The following PDE4DIP variants were observed in gnomAD, a reference collection of about 807,000 sequenced individuals.
PDE4DIP encodes myomegalin.
In PDE4DIP, 59 loss-of-function variants were observed where a neutral mutation model predicts 221.4. That is an observed-to-expected ratio of 0.27 (90% confidence interval 0.22 to 0.33). The LOEUF (loss-of-function observed/expected upper bound fraction) is 0.33. Among genes scored for constraint, PDE4DIP ranks in the 10% least tolerant of loss-of-function variants. The pLI, the probability that PDE4DIP is intolerant of heterozygous loss-of-function variation, is 1.00. For synonymous variants in PDE4DIP, 404 were observed against 815.9 expected, an observed-to-expected ratio of 0.50 and a Z score of 8.60; for missense variants, 1,036 against 2,154.2, an observed-to-expected ratio of 0.48 and a Z score of 10.28.
chr1:148,838,699 C>T (rs1553375518), intron 1 of PDE4DIP, among the ~76,000 whole-genome samples: 1 of 123,632 alleles, frequency 8.1e-6, no homozygotes, highest in Non-Finnish European at 1.8e-5. Flanking sequence ...AATAATGTGG[C>T]TAAAAGAAAC....
At chr1:149,017,862 C>T (rs1553613444) in exon 34 of PDE4DIP, 2 of 1,613,484 alleles carry the variant, frequency 1.2e-6, no homozygotes. Context: ...CGGCTGACCT[C>T]TACTGCTCGT....
chr1:148,944,064 T>C (rs1344454062), intron 5 of PDE4DIP, among the ~76,000 whole-genome samples: 1 of 152,218 alleles, frequency 6.6e-6, no homozygotes, highest in Non-Finnish European at 1.5e-5. Flanking sequence ...CCATAGCAGA[T>C]ACCAAGATGA....
intron 1 of PDE4DIP, among the ~76,000 whole-genome samples, chr1:148,902,708 G>T: frequency 1.4e-5 from 1 of 73,068 alleles, no homozygotes; most frequent in African/African-American, 1.0e-4. Flanking sequence ...TGGCTGAGTA[G>T]TATTCTATCA....
At chr1:148,934,318 T>G (rs11581717) in intron 4 of PDE4DIP, among the ~76,000 whole-genome samples, 2 of 150,836 alleles carry the variant, frequency 1.3e-5, no homozygotes, top group Non-Finnish European at 3.0e-5. Context: ...GAACCCCAAT[T>G]AAAAAAAACT....
Position 148,902,761 on chromosome 1 carries a change from A to G in PDE4DIP, c.141+12867A>G, listed in dbSNP as rs587598559. Reference sequence around the variant, plus strand: ...ATATATATCCATCATATATATATATATGTGTGTGTATATACACACCACAGT... The same window carrying G: ...ATATATATCCATCATATATATATATGTGTGTGTGTATATACACACCACAGT... On this transcript the variant is annotated intron_variant, in intron 1 of 43. Coordinates refer to ENST00000369354, the Ensembl canonical transcript of PDE4DIP. Among the ~76,000 whole-genome samples, 278 of 104,418 alleles carry G rather than the reference A, an allele frequency of 2.7e-3. 6 individuals carry two copies. The highest frequency in any genetic ancestry group is 6.7e-3 in the African/African-American group (144 of 21,430). The allele number at this position is 104,418 out of a possible 152,430, so 68.5% of individuals were successfully genotyped here.
At chr1:148,978,044 T>C in exon 18 of PDE4DIP, 1 of 1,613,242 alleles carries the variant, frequency 6.2e-7, no homozygotes, top group South Asian at 1.1e-5. Context: ...TTAAAGAAGA[T>C]CTCATAAAGG....
At chr1:148,967,480 A>G (rs601274) in intron 12 of PDE4DIP, among the ~76,000 whole-genome samples, 2 of 151,234 alleles carry the variant, frequency 1.3e-5, no homozygotes, top group African/African-American at 4.8e-5. Flanking sequence ...CCTTTATAGC[A>G]TAGTGCACTT....
intron 1 of PDE4DIP, among the ~76,000 whole-genome samples, chr1:148,915,301 C>A (rs1393813616): frequency 6.6e-6 from 1 of 152,272 alleles, no homozygotes; most frequent in Non-Finnish European, 1.5e-5. Flanking sequence ...GCACACACCA[C>A]CACACCTGGC....
chr1:148,970,621 A>G (rs1173131768), intron 14 of PDE4DIP, among the ~76,000 whole-genome samples: 7 of 152,122 alleles, frequency 4.6e-5, no homozygotes, highest in African/African-American at 1.7e-4. Context: ...GGTGGGACTT[A>G]AGAATTTGCA....
At chr1:148,984,047 A>G (rs1266087177) in intron 21 of PDE4DIP, 1 of 152,104 alleles carries the variant, frequency 6.6e-6, no homozygotes, top group Non-Finnish European at 1.5e-5. Flanking sequence ...AAATGTCCTT[A>G]GATAGATATT....
intron 25 of PDE4DIP, 51 bp downstream of exon 28, chr1:149,003,093 AG>A: frequency 8.3e-7 from 1 of 1,203,140 alleles, no homozygotes; most frequent in Non-Finnish European, 1.2e-6. Flanking sequence ...ATGTCTTATA[AG>A]TTCTGTATGT....
At position 148,979,852 on chromosome 1, in the gene PDE4DIP, AAGAG is replaced by A; in HGVS notation, c.2687+8_2687+11del. Reference sequence around the variant, plus strand: ...AAGTTCCATGCCCATCCAGAGAGGTAAGAGAGAGGCTGTTTTTTCTTTTATTCTT... The same window carrying A: ...AAGTTCCATGCCCATCCAGAGAGGTAAGAGGCTGTTTTTTCTTTTATTCTT... On this transcript the variant is annotated splice_donor_5th_base_variant and intron_variant, in intron 20 of 43. Coordinates refer to ENST00000369354, the Ensembl canonical transcript of PDE4DIP. 6.2e-7 allele frequency: 1 copy of A among 1,612,006 alleles called. No individual in the cohort carries two copies. The highest frequency in any genetic ancestry group is 1.1e-5 in the South Asian group (1 of 90,874).
chr1:148,919,546 C>A (rs1309783929), intron 1 of PDE4DIP, among the ~76,000 whole-genome samples: 1 of 151,804 alleles, frequency 6.6e-6, no homozygotes, highest in Admixed American at 6.5e-5. Context: ...TGAAAATGCT[C>A]AGTGCTTCTC....
intron 19 of PDE4DIP, 130 bp downstream of exon 22, chr1:148,978,545 A>G: frequency 1.7e-6 from 1 of 595,812 alleles, no homozygotes; most frequent in Middle Eastern, 4.7e-4. Flanking sequence ...CAAGTGATCC[A>G]TCCTCCTCGG....
At chr1:148,970,442 A>G (rs1553524834) in intron 14 of PDE4DIP, among the ~76,000 whole-genome samples, 1 of 152,124 alleles carries the variant, frequency 6.6e-6, no homozygotes, top group East Asian at 1.9e-4. Flanking sequence ...TGGTAATAGA[A>G]TAATGGAGAT....
intron 2 of PDE4DIP, among the ~76,000 whole-genome samples, chr1:148,866,694 TAAAG>T (rs1311967408): frequency 3.0e-5 from 1 of 33,166 alleles, no homozygotes; most frequent in Admixed American, 2.6e-4. Flanking sequence ...AGAGAAAAAA[TAAAG>T]AAAGAGAAAG....
At chr1:148,927,196 T>G (rs1472578254) in intron 1 of PDE4DIP, among the ~76,000 whole-genome samples, 1 of 151,960 alleles carries the variant, frequency 6.6e-6, no homozygotes, top group Non-Finnish European at 1.5e-5. Flanking sequence ...AAATAATAAC[T>G]TTAAAGTATA....
intron 21 of PDE4DIP, chr1:148,984,630 C>T (rs1182579519): frequency 6.6e-6 from 1 of 152,202 alleles, no homozygotes; most frequent in African/African-American, 2.4e-5. Context: ...AGACTGATTT[C>T]AGTTCTCTCT....
At chr1:148,998,251 G>C in exon 23 of PDE4DIP, 1 of 1,606,242 alleles carries the variant, frequency 6.2e-7, no homozygotes, top group Non-Finnish European at 8.5e-7. Context: ...TCTTCAGGAA[G>C]AAATGCTCCA....
Sources: allele counts gnomAD v4.1 joint callset (sites outside exome capture counted in the v4.1 genomes callset), GRCh38; gene constraint gnomAD v4.1.1; transcripts MANE v1.5; gene names NCBI Gene and HGNC (gene_info 2026-07-23, HGNC 2026-07-21).